Variants in WASHC5 observed in about 807,000 individuals in gnomAD.
WASHC5 encodes the protein WASH complex subunit strumpellin.
A neutral mutation model predicts 150.4 loss-of-function variants in WASHC5; 101 were observed. The observed-to-expected ratio is 0.67, with a 90% CI of 0.57 to 0.79. WASHC5 has a LOEUF of 0.79. WASHC5 is among the 30% of genes least tolerant of loss of function. WASHC5 has a pLI of 0.00. For missense variants in WASHC5, 1,195 were observed against 1,396.3 expected (o/e 0.86, Z 2.30); for synonymous variants, 467 against 491.2 (o/e 0.95, Z 0.65).
chr8:125,070,113 C>T (rs1039939461), intron 9 of WASHC5, among the ~76,000 whole-genome samples: 4 of 152,186 alleles, frequency 2.6e-5, no homozygotes, highest in African/African-American at 9.6e-5. Flanking sequence ...CTTCAGTAGC[C>T]AGCCAGCCTT....
Position 125,049,755 on chromosome 8 carries a change from C to T in WASHC5, c.2200-570G>A, listed in dbSNP as rs531171916. Among the ~76,000 whole-genome samples the T allele has an allele frequency of 2.7e-5, 4 of 146,128 alleles. No homozygotes were observed. In the South Asian group the frequency reaches 6.6e-4, roughly 24 times the overall value. ...ACTTAGGAGGCTGAGGCACAAGAAT[C>T]GCTTGAACCCAGGAGGCAGAGGTTG... is the stretch of plus-strand genomic sequence containing the variant. On this transcript the variant is annotated intron_variant, in intron 18 of 28. Transcript: ENST00000318410.
At chr8:125,050,494 A>C in intron 18 of WASHC5, 70 bp downstream of exon 18, 2 of 1,073,146 alleles carry the variant, frequency 1.9e-6, no homozygotes, top group Non-Finnish European at 2.9e-6. Flanking sequence ...CGATAGGTTA[A>C]AAATGGCATT....
At chr8:125,031,279 G>A (rs75997077) in intron 27 of WASHC5, among the ~76,000 whole-genome samples, 1,953 of 152,034 alleles carry the variant, frequency 0.013, 35 homozygotes, top group African/African-American at 0.045. Flanking sequence ...ACTTTGGTTC[G>A]TTTTATTTTT....
At chr8:125,085,631 C>T (rs1192701619) in intron 1 of WASHC5, among the ~76,000 whole-genome samples, 1 of 152,178 alleles carries the variant, frequency 6.6e-6, no homozygotes, top group African/African-American at 2.4e-5. Context: ...CCAGGTTGTG[C>T]CTTCTAAGCA....
At chr8:125,048,549 G>A (rs2130044256) in intron 19 of WASHC5, among the ~76,000 whole-genome samples, 1 of 152,254 alleles carries the variant, frequency 6.6e-6, no homozygotes, top group East Asian at 1.9e-4. Context: ...ACAAGCATTG[G>A]TTAGGACGTG....
At position 125,073,215 on chromosome 8, in the gene WASHC5, A is replaced by G. The variant is rs777485983; in HGVS notation, c.1088T>C (p.Leu363Pro). 1.9e-6 allele frequency: 3 copies of G among 1,614,170 alleles called. No individual in the cohort carries two copies. Among genetic ancestry groups the G allele is most frequent in the South Asian group, 1.1e-5 (1 of 91,090 alleles). ...EMVLDNIPKL[L>P]NCLRDCNVAI... ...AACATTGCAGTCTCTCAGGCAGTTCAGAAGCTTTGGGATATTGTCCAGAAC... is the reference window on the plus strand; with the variant it reads ...AACATTGCAGTCTCTCAGGCAGTTCGGAAGCTTTGGGATATTGTCCAGAAC... The change falls in exon 9 of 29, where the codon CTG becomes CCG. Residue 363 changes from leucine to proline, a missense_variant. Transcript: ENST00000318410.
At chr8:125,070,427 A>G (rs1282427964) in intron 9 of WASHC5, among the ~76,000 whole-genome samples, 3 of 152,248 alleles carry the variant, frequency 2.0e-5, no homozygotes, top group Admixed American at 2.0e-4. Context: ...ACCTCTGGCA[A>G]GCCAAGGTTG....
intron 27 of WASHC5, among the ~76,000 whole-genome samples, chr8:125,031,086 C>T (rs1815520856): frequency 6.6e-6 from 1 of 152,334 alleles, no homozygotes; most frequent in East Asian, 1.9e-4. Flanking sequence ...AGCCAGTGGA[C>T]TGTGCTGCCT....
rs190354275 is a variant in WASHC5 at position 125,054,052 on chromosome 8, C to T, written c.2097+1539G>A. Among the ~76,000 whole-genome samples, 250 of 152,274 alleles carry T rather than the reference C, an allele frequency of 1.6e-3. 1 individual carries two copies. Among genetic ancestry groups the T allele is most frequent in the African/African-American group, 5.8e-3 (242 of 41,560 alleles). ...GTAAATACACCACGGTGCATTCGTA[C>T]TATGGATTGGTCTGCGGCCACTTGA... On this transcript the variant is annotated intron_variant, in intron 17 of 28. Transcript: ENST00000318410.
chr8:125,091,235 G>T (rs774300182), intron 1 of WASHC5, among the ~76,000 whole-genome samples: 3 of 152,024 alleles, frequency 2.0e-5, no homozygotes, highest in Non-Finnish European at 2.9e-5. Context: ...ACAGCCCATG[G>T]CATAACTAGA....
intron 26 of WASHC5, 122 bp from the exon 27 acceptor site, chr8:125,032,516 G>A: frequency 8.9e-7 from 1 of 1,122,410 alleles, no homozygotes. Flanking sequence ...ATGATATTTT[G>A]GAGGGAATGA....
chr8:125,048,947 T>C (rs868376726), intron 19 of WASHC5, 59 bp downstream of exon 19: 7 of 1,349,376 alleles, frequency 5.2e-6, no homozygotes, highest in Admixed American at 2.1e-5. Flanking sequence ...GTTTGGGATG[T>C]GTACTCTAAA....
chr8:125,079,124 A>G (rs1225099538), intron 5 of WASHC5, among the ~76,000 whole-genome samples, 194 bp from the exon 6 acceptor site: 1 of 116,676 alleles, frequency 8.6e-6, no homozygotes, highest in East Asian at 2.4e-4. Context: ...GTGTATATAT[A>G]TATATATATA....
At chr8:125,040,473 A>AT (rs1554591281) in intron 23 of WASHC5, among the ~76,000 whole-genome samples, 3 of 151,926 alleles carry the variant, frequency 2.0e-5, no homozygotes, top group Non-Finnish European at 2.9e-5. Context: ...AGGGTTCTTA[A>AT]TTTTTTTTGT....
chr8:125,061,577 C>T (rs1439733158), intron 11 of WASHC5, among the ~76,000 whole-genome samples: 2 of 152,062 alleles, frequency 1.3e-5, no homozygotes, highest in Admixed American at 1.3e-4. Flanking sequence ...GGAATTGTAT[C>T]CAGATGAAAG....
Position 125,064,386 on chromosome 8 carries a change from T to TTTA in WASHC5, c.1279-736_1279-735insTAA, listed in dbSNP as rs1491148479. Among the ~76,000 whole-genome samples, 8 of 41,260 alleles carry TTTA rather than the reference T, an allele frequency of 1.9e-4. No individual in the cohort carries two copies. The African/African-American group carries it at 7.3e-3, about 38-fold the overall frequency. 27.1% of individuals were successfully genotyped at this position (41,260 alleles called of 152,430 possible). Reference sequence around the variant, plus strand: ...CCTGGTTAATTTTCTTATTTATTTATTTTTTTTTTTTTTGCAGAGATGGGG... The same window carrying TTTA: ...CCTGGTTAATTTTCTTATTTATTTATTTATTTTTTTTTTTTTGCAGAGATGGGG... On this transcript the variant is annotated intron_variant, in intron 10 of 28. Coordinates refer to ENST00000318410, the MANE Select transcript of WASHC5 (RefSeq NM_014846.4).
chr8:125,056,730 G>C lies in WASHC5; in HGVS notation c.1963C>G (p.Arg655Gly), dbSNP rs148951367. 2 of 1,614,090 alleles carry C rather than the reference G, an allele frequency of 1.2e-6. No homozygotes were observed. ...TCCCTCAGCTTGTCTTTGTCCAGGC[G>C]GGTAGGCACTTCAATAATGTCGTGG... ...QTHDIIEVPT[R>G]LDKDKLRDYA... is the part of the protein sequence containing the mutation. Residue 655 changes from arginine (R) to glycine (G), a missense_variant, in exon 16 of 29, where the codon CGC becomes GGC. Around this residue, in one of 3 missense-constraint regions of WASHC5, gnomAD observed 997 missense variants for 1,168.1 expected, o/e 0.85. Transcript: ENST00000318410.
At position 125,061,082 on chromosome 8, in the gene WASHC5, C is replaced by G; in HGVS notation, c.1521G>C (p.Glu507Asp). Reference protein sequence around the residue: ...KTVQLIQALEEVQEFHQLESN... With the variant: ...KTVQLIQALEDVQEFHQLESN... ...CTGCATTTAAAAAGCGTTTCCTTAC[C>G]TCTTCCAAAGCTTGTATCAGTTGTA... The change falls in exon 12 of 29, where the codon GAG becomes GAC. Residue 507 changes from glutamate (E) to aspartate (D), a missense_variant and splice_region_variant. Transcript: ENST00000318410. 6.3e-7 allele frequency: 1 copy of G among 1,574,946 alleles called. No homozygotes were observed. Among genetic ancestry groups the G allele is most frequent in the South Asian group, 1.1e-5 (1 of 90,222 alleles).
chr8:125,059,378 G>A lies in WASHC5; in HGVS notation c.1686C>T (p.Asp562=). The change falls in exon 13 of 29, where the codon GAC becomes GAT. Residue 562 remains aspartate, a splice_region_variant and synonymous_variant. Transcript: ENST00000318410. ...GDLSFAWQLI[D]SFTSIMQESI... is the part of the protein sequence containing the mutation. ...AAATGTCAGGCTGCCTACATTACCT[G>A]TCAATCAACTGCCAAGCGAAAGAAA... 1.2e-6 allele frequency: 2 copies of A among 1,614,162 alleles called. No homozygotes were observed. The highest frequency in any genetic ancestry group is 1.7e-6 in the Non-Finnish European group (2 of 1,180,002).
Sources: allele counts gnomAD v4.1 joint callset (sites outside exome capture counted in the v4.1 genomes callset), GRCh38; gene constraint gnomAD v4.1.1; regional missense constraint gnomAD v4.1.1; transcripts MANE v1.5; gene names NCBI Gene and HGNC (gene_info 2026-07-23, HGNC 2026-07-21).